GATAD2B: variants seen among roughly 807,000 people sequenced by gnomAD.
The protein encoded by GATAD2B is transcriptional repressor p66-beta.
GATAD2B carries 8 observed loss-of-function variants against 64.3 expected under a neutral mutation model. The observed-to-expected ratio is 0.12, with a 90% CI of 0.07 to 0.22. The LOEUF (loss-of-function observed/expected upper bound fraction) is 0.22. Ranked by LOEUF, GATAD2B falls within the 10% of genes least tolerant of loss-of-function variation. The probability of loss-of-function intolerance (pLI) is 1.00; values close to 1 mark genes in which losing one functional copy is unlikely to be tolerated. For missense variants in GATAD2B, 453 were observed against 752.0 expected, an observed-to-expected ratio of 0.60 and a Z score of 4.65; for synonymous variants, 281 against 271.3, an observed-to-expected ratio of 1.04 and a Z score of -0.35.
chr1:153,920,207 A>G lies in GATAD2B; in HGVS notation c.-2+2526T>C, dbSNP rs139145363. The stretch of plus-strand genomic sequence containing the variant: ...AGGAGGAATGCTTTACATGCAACAC[A>G]CAAGACTCACTGCTTAAAGGTGAGA... On this transcript the variant is annotated intron_variant, in intron 1 of 10. Transcript: ENST00000368655. Among the ~76,000 whole-genome samples, 619 of 152,356 alleles carry G rather than the reference A, an allele frequency of 4.1e-3. 5 individuals are homozygous for G. The highest frequency in any genetic ancestry group is 0.014 in the African/African-American group (580 of 41,580).
intron 1 of GATAD2B, among the ~76,000 whole-genome samples, chr1:153,876,505 G>A (rs1479052209): frequency 1.3e-5 from 2 of 152,154 alleles, no homozygotes; most frequent in African/African-American, 2.4e-5. Flanking sequence ...AAAGAGCCTA[G>A]ATGACCTTGC....
intron 1 of GATAD2B, among the ~76,000 whole-genome samples, chr1:153,888,700 CAG>C (rs1225777234): frequency 3.9e-5 from 6 of 152,198 alleles, no homozygotes; most frequent in African/African-American, 9.7e-5. Context: ...TCTTTTGCCA[CAG>C]AGTTTCTAAG....
At chr1:153,857,042 T>C (rs776619785) in intron 1 of GATAD2B, among the ~76,000 whole-genome samples, 1 of 152,076 alleles carries the variant, frequency 6.6e-6, no homozygotes, top group Non-Finnish European at 1.5e-5. Flanking sequence ...ATAAGAAACC[T>C]GGACTACTAT....
At chr1:153,847,529 T>C (rs1455840264) in intron 1 of GATAD2B, among the ~76,000 whole-genome samples, 1 of 152,218 alleles carries the variant, frequency 6.6e-6, no homozygotes, top group Admixed American at 6.5e-5. Context: ...ATTACAGGCA[T>C]GAATCACTGA....
chr1:153,854,792 G>C (rs1179755368), intron 1 of GATAD2B, among the ~76,000 whole-genome samples: 1 of 152,100 alleles, frequency 6.6e-6, no homozygotes, highest in Admixed American at 6.6e-5. Context: ...AATTGCAAAA[G>C]GAAAAACACA....
chr1:153,837,181 T>A (rs1459354169), intron 1 of GATAD2B, among the ~76,000 whole-genome samples: 1 of 152,022 alleles, frequency 6.6e-6, no homozygotes, highest in African/African-American at 2.4e-5. Context: ...ATATATGAGG[T>A]ACCTAGAGAT....
At chr1:153,891,598 A>AAAAAG (rs58897940) in intron 1 of GATAD2B, among the ~76,000 whole-genome samples, 11 of 116,512 alleles carry the variant, frequency 9.4e-5, no homozygotes, top group Non-Finnish European at 1.9e-4. Flanking sequence ...AAAAAAAAAA[A>AAAAAG]GAGGTGGGGG....
intron 10 of GATAD2B, among the ~76,000 whole-genome samples, chr1:153,811,202 A>G (rs1674281987): frequency 1.3e-5 from 2 of 152,332 alleles, no homozygotes; most frequent in South Asian, 4.1e-4. Flanking sequence ...CGCCCTGCAC[A>G]GCAACTTTAT....
Position 153,816,695 on chromosome 1 carries a change from T to A in GATAD2B, c.901-107A>T. ...TGATCCTGGTTTGGACTACTTAGCT[T>A]CTCCAAAAATAGGAGGTGGTCAACT... On this transcript the variant is annotated intron_variant, in intron 6 of 10. Coordinates refer to ENST00000368655, the MANE Select transcript of GATAD2B (RefSeq NM_020699.4). The surrounding 1 kb of genome is among the most constrained non-coding windows in gnomAD (Gnocchi z 4.9). 1 of 669,304 alleles carries A rather than the reference T, an allele frequency of 1.5e-6. No individual in the cohort carries two copies. Among genetic ancestry groups the A allele is most frequent in the Admixed American group, 2.8e-5 (1 of 35,304 alleles). The allele number at this position is 669,304 out of a possible 1,614,324, so 41.5% of individuals were successfully genotyped here. A position where few individuals can be genotyped will look rare whatever the true frequency, so the allele number is the denominator to read the frequency against.
At position 153,808,034 on chromosome 1, in the gene GATAD2B, CAAAGA is replaced by C. The variant is rs1674161915; in HGVS notation, c.*2138_*2142del. 6.6e-6 allele frequency: 1 copy of C among 152,024 alleles called. No homozygotes were observed. Among genetic ancestry groups the C allele is most frequent in the African/African-American group, 2.4e-5 (1 of 41,278 alleles). The allele number at this position is 152,024 out of a possible 1,614,324, so 9.4% of individuals were successfully genotyped here. A position where few individuals can be genotyped will look rare whatever the true frequency, so the allele number is the denominator to read the frequency against. On this transcript the variant is annotated 3_prime_UTR_variant, in exon 11 of 11. Coordinates refer to ENST00000368655, the MANE Select transcript of GATAD2B (RefSeq NM_020699.4). ...TCCAGTGCTTTCAAAGCACAGAGGG[CAAAGA>C]AAAGATGTAAGAATATATCTTTATA...
chr1:153,903,041 C>A (rs544576581), intron 1 of GATAD2B, among the ~76,000 whole-genome samples: 4 of 152,046 alleles, frequency 2.6e-5, no homozygotes, highest in Admixed American at 2.6e-4. Context: ...CACGGTGAAA[C>A]CTGATCTCTA....
At chr1:153,860,747 A>G (rs188429050) in intron 1 of GATAD2B, among the ~76,000 whole-genome samples, 3 of 152,268 alleles carry the variant, frequency 2.0e-5, no homozygotes, top group Admixed American at 2.0e-4. Flanking sequence ...TGCAATCTCC[A>G]ACTCCTGGAC....
intron 1 of GATAD2B, among the ~76,000 whole-genome samples, chr1:153,871,842 T>C (rs2101930707): frequency 6.6e-6 from 1 of 152,170 alleles, no homozygotes; most frequent in South Asian, 2.1e-4. Flanking sequence ...CCCAACTACT[T>C]GGGGGGCTGA....
chr1:153,855,748 C>T (rs2101914969), intron 1 of GATAD2B, among the ~76,000 whole-genome samples: 1 of 152,116 alleles, frequency 6.6e-6, no homozygotes, highest in South Asian at 2.1e-4. Context: ...GATCTCGGCT[C>T]ACTGCAACCT....
At chr1:153,832,933 G>C (rs1675128446) in intron 1 of GATAD2B, among the ~76,000 whole-genome samples, 1 of 152,110 alleles carries the variant, frequency 6.6e-6, no homozygotes, top group African/African-American at 2.4e-5. Context: ...TCAATACCAG[G>C]CTCCAAAGCT....
In GATAD2B at chr1:153,806,528, G is replaced by C. The variant is rs1674117595; in HGVS notation, c.*3649C>G. Reference sequence around the variant, plus strand: ...CCTTCCCCAGAAACCCTTTTGCACGGATCATACACAAACGGGCACATTACA... The same window carrying C: ...CCTTCCCCAGAAACCCTTTTGCACGCATCATACACAAACGGGCACATTACA... On this transcript the variant is annotated 3_prime_UTR_variant, in exon 11 of 11. Coordinates refer to ENST00000368655, the MANE Select transcript of GATAD2B (RefSeq NM_020699.4). 6.6e-6 allele frequency: 1 copy of C among 151,546 alleles called. No homozygotes were observed. The highest frequency in any genetic ancestry group is 2.4e-5 in the African/African-American group (1 of 41,234). The allele number at this position is 151,546 out of a possible 1,614,324, so 9.4% of individuals were successfully genotyped here.
chr1:153,826,912 G>A (rs1471983226), intron 2 of GATAD2B, among the ~76,000 whole-genome samples: 2 of 148,428 alleles, frequency 1.3e-5, no homozygotes, highest in Admixed American at 6.8e-5. Flanking sequence ...CTGCACTCAA[G>A]ACTGTGTGAC....
At chr1:153,812,736 G>C (rs1391449147) in intron 8 of GATAD2B, among the ~76,000 whole-genome samples, 1 of 152,148 alleles carries the variant, frequency 6.6e-6, no homozygotes, top group African/African-American at 2.4e-5. Flanking sequence ...CTGATGGGTG[G>C]AGTGGGAAAT....
chr1:153,915,838 C>T (rs2101972179), intron 1 of GATAD2B, among the ~76,000 whole-genome samples: 1 of 151,760 alleles, frequency 6.6e-6, no homozygotes, highest in South Asian at 2.1e-4. Flanking sequence ...AGGCAAACAC[C>T]AACAACATAA....
Sources: allele counts gnomAD v4.1 joint callset (sites outside exome capture counted in the v4.1 genomes callset), GRCh38; gene constraint gnomAD v4.1.1; non-coding constraint Gnocchi (gnomAD v3.1); transcripts MANE v1.5; gene names NCBI Gene and HGNC (gene_info 2026-07-23, HGNC 2026-07-21).